Variants in CEP350 observed in about 807,000 individuals in gnomAD.
CEP350 encodes centrosomal protein 350.
CEP350 carries 126 observed loss-of-function variants against 331.8 expected under a neutral mutation model. The ratio of observed to expected loss-of-function variants is 0.38; its 90% CI spans 0.33 to 0.44. The LOEUF is 0.44. Ranked by LOEUF, CEP350 falls within the 20% of genes least tolerant of loss-of-function variation. CEP350 has a pLI of 1.00. For missense variants in CEP350, 3,406 were observed against 3,634.6 expected (o/e 0.94, Z 1.62); for synonymous variants, 1,200 against 1,259.5 (o/e 0.95, Z 1.00).
intron 10 of CEP350, among the ~76,000 whole-genome samples, chr1:180,015,467 C>CTCCTGA (rs1342670104): frequency 6.6e-6 from 1 of 152,010 alleles, no homozygotes; most frequent in African/African-American, 2.4e-5. Flanking sequence ...ATCTCCTGAC[C>CTCCTGA]TCCTGATCCG....
chr1:180,036,073 A>G (rs1405596364), intron 16 of CEP350, among the ~76,000 whole-genome samples: 2 of 152,184 alleles, frequency 1.3e-5, no homozygotes, highest in Non-Finnish European at 2.9e-5. Flanking sequence ...GATGACTTTG[A>G]GGGGTTCAGA....
intron 1 of CEP350, among the ~76,000 whole-genome samples, chr1:179,978,931 C>T (rs535679775): frequency 4.5e-4 from 68 of 152,180 alleles, no homozygotes; most frequent in African/African-American, 1.6e-3. Flanking sequence ...CTCTTATAGA[C>T]AGGATATAGT....
At chr1:180,102,320 G>C (rs755970459) in intron 37 of CEP350, among the ~76,000 whole-genome samples, 3 of 152,030 alleles carry the variant, frequency 2.0e-5, no homozygotes, top group Non-Finnish European at 2.9e-5. Flanking sequence ...ATTTTTAGTA[G>C]AGATGGGGTT....
At position 180,110,986 on chromosome 1, in the gene CEP350, C is replaced by G. The variant is rs1661443779; in HGVS notation, c.9190-11C>G. ...AGGAATTTTCTAACCTTATTGTCTT[C>G]TAAATCCTAGGTTCAGGAGCTCCAT... On this transcript the variant is annotated splice_polypyrimidine_tract_variant and intron_variant, in intron 37 of 37. Transcript: ENST00000367607. The G allele has an allele frequency of 6.2e-7, 1 of 1,612,154 alleles. No individual in the cohort carries two copies. The highest frequency in any genetic ancestry group is 1.3e-5 in the African/African-American group (1 of 74,848).
In CEP350 at chr1:180,007,137, C is replaced by G. The variant is rs976594681; in HGVS notation, c.1246+570C>G. 1.3e-5 allele frequency among the ~76,000 whole-genome samples: 2 copies of G among 152,180 alleles called. 1 individual carries two copies. Among genetic ancestry groups the G allele is most frequent in the South Asian group, 4.1e-4 (2 of 4,824 alleles). ...TGGGTATATACCCAATAATGGGATT[C>G]CTGAGTCAAATGGTATTTCTGGTTC... On this transcript the variant is annotated intron_variant, in intron 8 of 37. Transcript: ENST00000367607.
At chr1:179,961,000 T>C (rs1650565195) in intron 1 of CEP350, among the ~76,000 whole-genome samples, 1 of 152,156 alleles carries the variant, frequency 6.6e-6, no homozygotes, top group Non-Finnish European at 1.5e-5. Flanking sequence ...AGGACACCTA[T>C]ATATATTTTC....
chr1:179,998,534 G>C (rs1653640794), intron 6 of CEP350, among the ~76,000 whole-genome samples: 1 of 151,726 alleles, frequency 6.6e-6, no homozygotes, highest in Non-Finnish European at 1.5e-5. Flanking sequence ...TTGAACTCTT[G>C]ATCTCTGATG....
chr1:180,103,403 T>C (rs1660941391), intron 37 of CEP350, among the ~76,000 whole-genome samples: 1 of 152,156 alleles, frequency 6.6e-6, no homozygotes, highest in African/African-American at 2.4e-5. Context: ...AAAAAATCAT[T>C]TGGGGACTGC....
At chr1:179,978,160 A>G (rs1196860991) in intron 1 of CEP350, among the ~76,000 whole-genome samples, 2 of 152,114 alleles carry the variant, frequency 1.3e-5, no homozygotes, top group Non-Finnish European at 2.9e-5. Flanking sequence ...GCATGACTGT[A>G]CAGAGAACTT....
At chr1:179,964,381 A>T (rs1475338023) in intron 1 of CEP350, among the ~76,000 whole-genome samples, 1 of 152,002 alleles carries the variant, frequency 6.6e-6, no homozygotes, top group East Asian at 1.9e-4. Flanking sequence ...TTTTCAGTTC[A>T]TAGAGGGGAT....
At position 180,096,040 on chromosome 1, in the gene CEP350, G is replaced by A. The variant is rs780346735; in HGVS notation, c.8922G>A (p.Ala2974=). Residue 2974 remains alanine (A), a splice_region_variant and synonymous_variant, in exon 36 of 38, where the codon GCG becomes GCA. Transcript: ENST00000367607. Reference sequence around the variant, plus strand: ...TTGTTTTGTTTTTCTCTATCAAGGCGGTTTTTGATTTAACAAAAGAGATTT... The same window carrying A: ...TTGTTTTGTTTTTCTCTATCAAGGCAGTTTTTGATTTAACAAAAGAGATTT... The part of the protein sequence containing the change: ...ESTSKRVYKQ[A]VFDLTKEIFE... The A allele has an allele frequency of 1.4e-5, 21 of 1,551,184 alleles. No individual in the cohort carries two copies. The highest frequency in any genetic ancestry group is 3.6e-5 in the South Asian group (3 of 83,744).
intron 36 of CEP350, among the ~76,000 whole-genome samples, chr1:180,097,252 A>G (rs1660534603): frequency 6.6e-6 from 1 of 152,248 alleles, no homozygotes; most frequent in Non-Finnish European, 1.5e-5. Context: ...ACTACATGTA[A>G]CTACAACAGT....
intron 1 of CEP350, among the ~76,000 whole-genome samples, chr1:179,956,200 G>A (rs1326782995): frequency 6.6e-6 from 1 of 152,182 alleles, no homozygotes; most frequent in African/African-American, 2.4e-5. Context: ...ATAATAATTA[G>A]TTTCGGTGTG....
chr1:180,107,771 T>A (rs1661226194), intron 37 of CEP350, among the ~76,000 whole-genome samples: 1 of 152,090 alleles, frequency 6.6e-6, no homozygotes, highest in Non-Finnish European at 1.5e-5. Context: ...GGCCACATTC[T>A]ATTTACTACA....
intron 11 of CEP350, among the ~76,000 whole-genome samples, chr1:180,019,155 C>G (rs1655160395): frequency 6.6e-6 from 1 of 152,128 alleles, no homozygotes; most frequent in Non-Finnish European, 1.5e-5. Flanking sequence ...CTGTTCCTGG[C>G]CTGTTCCTCT....
At chr1:180,040,679 T>C (rs1430411495) in intron 17 of CEP350, among the ~76,000 whole-genome samples, 2 of 151,694 alleles carry the variant, frequency 1.3e-5, no homozygotes, top group Non-Finnish European at 2.9e-5. Flanking sequence ...TAACATTGTG[T>C]GGGATAGTGG....
Position 179,954,976 on chromosome 1 carries a change from G to T in CEP350, c.-180G>T. On this transcript the variant is annotated 5_prime_UTR_variant, in exon 1 of 38. Coordinates refer to ENST00000367607, the MANE Select transcript of CEP350 (RefSeq NM_014810.5). ...TTTCCGCCTTGTCTTCCTTCCCAGC[G>T]GACCGGCGGATCCCCGGAGCCGGTG... is the stretch of plus-strand genomic sequence containing the variant. The T allele has an allele frequency of 8.2e-7, 1 of 1,212,152 alleles. No homozygotes were observed. The highest frequency in any genetic ancestry group is 1.1e-6 in the Non-Finnish European group (1 of 942,976). 75.1% of individuals were successfully genotyped at this position (1,212,152 alleles called of 1,614,324 possible).
At chr1:180,050,855 A>G (rs1362002440) in intron 22 of CEP350, among the ~76,000 whole-genome samples, 1 of 152,328 alleles carries the variant, frequency 6.6e-6, no homozygotes, top group East Asian at 1.9e-4. Context: ...ACAAGATGCC[A>G]TAACACACTT....
intron 1 of CEP350, among the ~76,000 whole-genome samples, chr1:179,975,711 G>C (rs144831648): frequency 0.012 from 1,769 of 152,248 alleles, 36 homozygotes; most frequent in African/African-American, 0.04. Context: ...AAATTTTGAA[G>C]ATAGATAATG....
Sources: gnomAD v4.1 joint callset for allele counts (sites outside exome capture counted in the v4.1 genomes callset) on GRCh38, gnomAD v4.1.1 for gene constraint, MANE v1.5 for transcripts, NCBI Gene and HGNC (gene_info 2026-07-23, HGNC 2026-07-21) for gene names.